The following CHMP4B variants were observed in gnomAD, a reference collection of about 807,000 sequenced individuals.
CHMP4B encodes the protein charged multivesicular body protein 4B.
Under a neutral mutation model 25.1 loss-of-function variants are expected in CHMP4B, and 1 was observed. The observed-to-expected ratio is 0.04, with a 90% CI of 0.01 to 0.19. The LOEUF is 0.19. CHMP4B is among the 10% of genes least tolerant of loss of function. CHMP4B has a pLI of 1.00. For synonymous variants in CHMP4B, 101 were observed against 115.6 expected, an observed-to-expected ratio of 0.87 and a Z score of 0.81; for missense variants, 151 against 289.7, an observed-to-expected ratio of 0.52 and a Z score of 3.48.
intron 1 of CHMP4B, 122 bp from the exon 2 acceptor site, chr20:33,848,345 C>A: frequency 1.1e-6 from 1 of 921,182 alleles, no homozygotes; most frequent in Non-Finnish European, 1.7e-6. Context: ...ATTTATGAAT[C>A]CTCTGCTATA....
chr20:33,838,192 A>G (rs986659621), intron 1 of CHMP4B, among the ~76,000 whole-genome samples: 4 of 152,334 alleles, frequency 2.6e-5, no homozygotes, highest in African/African-American at 4.8e-5. Flanking sequence ...TTGAACCTTT[A>G]TGACATCAGT....
intron 2 of CHMP4B, among the ~76,000 whole-genome samples, chr20:33,850,392 A>T (rs1979813664): frequency 6.6e-6 from 1 of 152,332 alleles, no homozygotes; most frequent in Non-Finnish European, 1.5e-5. Flanking sequence ...GCAGCTCATT[A>T]AATACTGTGC....
chr20:33,812,011 C>T (rs1039801044), intron 1 of CHMP4B, among the ~76,000 whole-genome samples: 1 of 152,198 alleles, frequency 6.6e-6, no homozygotes, highest in African/African-American at 2.4e-5. Flanking sequence ...CCTGCCTCCT[C>T]CTCGGCTCAT....
At position 33,848,447 on chromosome 20, in the gene CHMP4B, C is replaced by G. The variant is rs1330916673; in HGVS notation, c.191-20C>G. 3 of 1,613,576 alleles carry G rather than the reference C, an allele frequency of 1.9e-6. 1 individual carries two copies. The highest frequency in any genetic ancestry group is 3.3e-5 in the Admixed American group (2 of 60,016). On this transcript the variant is annotated intron_variant, in intron 1 of 4. Coordinates refer to ENST00000217402, the MANE Select transcript of CHMP4B (RefSeq NM_176812.5). Reference sequence around the variant, plus strand: ...CCCTGTGCCGGGACTCTCTGAAACCCTGTTTTCTCCCTCACGCAGCGGCCC... The same window carrying G: ...CCCTGTGCCGGGACTCTCTGAAACCGTGTTTTCTCCCTCACGCAGCGGCCC...
chr20:33,851,557 C>G (rs187759129), intron 3 of CHMP4B, among the ~76,000 whole-genome samples: 124 of 151,996 alleles, frequency 8.2e-4, no homozygotes, highest in African/African-American at 2.8e-3. Flanking sequence ...TGGTACCAGC[C>G]CCTGTTGAAG....
At chr20:33,832,160 C>T (rs1235197366) in intron 1 of CHMP4B, among the ~76,000 whole-genome samples, 3 of 152,182 alleles carry the variant, frequency 2.0e-5, no homozygotes, top group Non-Finnish European at 2.9e-5. Flanking sequence ...CCCATACCTC[C>T]GTTGTCATCT....
intron 1 of CHMP4B, among the ~76,000 whole-genome samples, chr20:33,832,567 G>A (rs551476848): frequency 6.6e-6 from 1 of 152,290 alleles, no homozygotes; most frequent in South Asian, 2.1e-4. Flanking sequence ...TGATTAGGTA[G>A]TCATGTAAAT....
rs1978735934 is a variant in CHMP4B, at chr20:33,814,809, G to C, written c.190+3151G>C. Among the ~76,000 whole-genome samples, 2 of 151,966 alleles carry C rather than the reference G, an allele frequency of 1.3e-5. 1 individual carries two copies. The highest frequency in any genetic ancestry group is 4.1e-4 in the South Asian group (2 of 4,830). ...AGCTAGGACTTCAGGCACATGCCTA[G>C]CTAATTCAAAACATTTTTTTTTGTA... On this transcript the variant is annotated intron_variant, in intron 1 of 4. Transcript: ENST00000217402.
intron 1 of CHMP4B, among the ~76,000 whole-genome samples, chr20:33,815,247 C>T (rs1297760167): frequency 1.3e-5 from 2 of 152,126 alleles, no homozygotes; most frequent in South Asian, 2.1e-4. Context: ...ACAATGCCTG[C>T]CATATGGTAA....
intron 1 of CHMP4B, among the ~76,000 whole-genome samples, chr20:33,823,722 G>A (rs1293232893): frequency 1.3e-5 from 2 of 152,060 alleles, no homozygotes; most frequent in Non-Finnish European, 2.9e-5. Context: ...TTAGCCATAG[G>A]GTGAAGCCAA....
At chr20:33,826,392 T>C (rs1979095255) in intron 1 of CHMP4B, among the ~76,000 whole-genome samples, 1 of 151,832 alleles carries the variant, frequency 6.6e-6, no homozygotes, top group Non-Finnish European at 1.5e-5. Context: ...TGAGGGGTAG[T>C]GGTGGCTCAG....
At chr20:33,814,607 A>G (rs1328506931) in intron 1 of CHMP4B, among the ~76,000 whole-genome samples, 1 of 152,080 alleles carries the variant, frequency 6.6e-6, no homozygotes, top group Admixed American at 6.6e-5. Flanking sequence ...TAGTCTTTGG[A>G]CCTTGACCTG....
Position 33,853,608 on chromosome 20 carries a change from A to G in CHMP4B, c.*48A>G, listed in dbSNP as rs762354304. ...CCAGACAGACTGTGGTGGCCTGCGC[A>G]GCGAGCAGGCGTGTGCGTGTGTGGG... On this transcript the variant is annotated 3_prime_UTR_variant, in exon 5 of 5. Coordinates refer to ENST00000217402, the MANE Select transcript of CHMP4B (RefSeq NM_176812.5). The G allele has an allele frequency of 7.9e-6, 12 of 1,526,010 alleles. No homozygotes were observed. In the African/African-American group the frequency reaches 8.2e-5, roughly 10 times the overall value. The allele number at this position is 1,526,010 out of a possible 1,614,324, so 94.5% of individuals were successfully genotyped here.
At chr20:33,814,131 G>T (rs1217155475) in intron 1 of CHMP4B, among the ~76,000 whole-genome samples, 1 of 152,212 alleles carries the variant, frequency 6.6e-6, no homozygotes, top group Non-Finnish European at 1.5e-5. Flanking sequence ...CTTGCTGAAG[G>T]CAGGCTGTCT....
rs139885348 is a variant in CHMP4B, at chr20:33,821,596, A to G, written c.190+9938A>G. ...CATGGTGTGTCCCAGAGTTCCCTGG[A>G]CTTGGAGACATTGACTGACAAGACT... On this transcript the variant is annotated intron_variant, in intron 1 of 4. Coordinates refer to ENST00000217402, the MANE Select transcript of CHMP4B (RefSeq NM_176812.5). 1.5e-3 allele frequency among the ~76,000 whole-genome samples: 222 copies of G among 152,038 alleles called. 1 individual carries two copies. Among genetic ancestry groups the G allele is most frequent in the African/African-American group, 5.2e-3 (215 of 41,454 alleles).
intron 1 of CHMP4B, among the ~76,000 whole-genome samples, chr20:33,826,452 A>G (rs866029963): frequency 3.3e-5 from 5 of 152,112 alleles, no homozygotes; most frequent in Non-Finnish European, 7.4e-5. Context: ...CTGGATGCCA[A>G]GCTGAGGAAT....
chr20:33,846,641 C>T (rs1166219846), intron 1 of CHMP4B, among the ~76,000 whole-genome samples: 1 of 152,172 alleles, frequency 6.6e-6, no homozygotes, highest in Non-Finnish European at 1.5e-5. Context: ...GTCCTTAGGA[C>T]GGAATCCCAG....
At chr20:33,850,263 G>A (rs1414523762) in intron 2 of CHMP4B, among the ~76,000 whole-genome samples, 1 of 152,204 alleles carries the variant, frequency 6.6e-6, no homozygotes, top group Non-Finnish European at 1.5e-5. Context: ...GAGGTTGCAG[G>A]AGAAGTAGCC....
At chr20:33,834,204 A>G (rs1218020323) in intron 1 of CHMP4B, among the ~76,000 whole-genome samples, 4 of 151,932 alleles carry the variant, frequency 2.6e-5, no homozygotes, top group South Asian at 4.1e-4. Context: ...ATTTTATTTC[A>G]TTGACCTTCT....
Sources: gnomAD v4.1 joint callset for allele counts (sites outside exome capture counted in the v4.1 genomes callset) on GRCh38, gnomAD v4.1.1 for gene constraint, MANE v1.5 for transcripts, NCBI Gene and HGNC (gene_info 2026-07-23, HGNC 2026-07-21) for gene names.